Variants in MAML3 observed in about 807,000 individuals in gnomAD.
MAML3 encodes the protein mastermind like transcriptional coactivator 3, also known as mastermind-like protein 3.
Under a neutral mutation model 101.9 loss-of-function variants are expected in MAML3, and 27 were observed. That is an observed-to-expected ratio of 0.27 (90% CI 0.20 to 0.37). The LOEUF (loss-of-function observed/expected upper bound fraction) is 0.37, where lower values mean the gene tolerates loss of function less well. MAML3 is among the 10% of genes least tolerant of loss of function. The pLI, the probability that MAML3 is intolerant of heterozygous loss-of-function variation, is 1.00. For synonymous variants in MAML3, 501 were observed against 555.9 expected (o/e 0.90, Z 1.39); for missense variants, 1,316 against 1,444.9 (o/e 0.91, Z 1.45).
At chr4:140,055,757 G>A (rs1271891055) in intron 1 of MAML3, among the ~76,000 whole-genome samples, 2 of 152,034 alleles carry the variant, frequency 1.3e-5, no homozygotes, top group Non-Finnish European at 2.9e-5. Context: ...ACCATGGGCA[G>A]TCAGGCAGTG....
intron 2 of MAML3, among the ~76,000 whole-genome samples, chr4:139,826,822 G>C (rs1056264270): frequency 6.6e-6 from 1 of 151,958 alleles, no homozygotes; most frequent in Non-Finnish European, 1.5e-5. Flanking sequence ...AGACACATAC[G>C]GCACCATCAC....
chr4:139,742,803 G>T (rs1729209367), intron 2 of MAML3, among the ~76,000 whole-genome samples: 1 of 152,182 alleles, frequency 6.6e-6, no homozygotes. Flanking sequence ...GGAAGTTGAT[G>T]GGAAACTTTT....
At chr4:140,013,213 C>T (rs990076892) in intron 1 of MAML3, among the ~76,000 whole-genome samples, 9 of 152,168 alleles carry the variant, frequency 5.9e-5, no homozygotes, top group African/African-American at 2.2e-4. Flanking sequence ...ATGATTAGCT[C>T]ATCAGGGGCA....
chr4:139,883,214 A>G (rs1399953503), intron 2 of MAML3, among the ~76,000 whole-genome samples: 1 of 152,186 alleles, frequency 6.6e-6, no homozygotes, highest in Non-Finnish European at 1.5e-5. Flanking sequence ...AGACGGAGGG[A>G]GGGAGAGAGG....
At chr4:139,737,354 A>G (rs1288592610) in intron 2 of MAML3, among the ~76,000 whole-genome samples, 1 of 68,664 alleles carries the variant, frequency 1.5e-5, no homozygotes, top group Admixed American at 1.4e-4. Flanking sequence ...AGGTTAAGGA[A>G]CTTGTCTGGT....
chr4:140,025,153 T>C (rs1336003377), intron 1 of MAML3, among the ~76,000 whole-genome samples: 1 of 152,204 alleles, frequency 6.6e-6, no homozygotes, highest in African/African-American at 2.4e-5. Flanking sequence ...ACAAACCTAC[T>C]TGGAAAAGGC....
intron 2 of MAML3, among the ~76,000 whole-genome samples, chr4:139,847,189 C>T: frequency 6.6e-6 from 1 of 152,094 alleles, no homozygotes; most frequent in Non-Finnish European, 1.5e-5. Context: ...CATTGTGTAT[C>T]TATATTGTGT....
chr4:139,951,620 C>T (rs759193244), intron 1 of MAML3, among the ~76,000 whole-genome samples: 3 of 152,154 alleles, frequency 2.0e-5, no homozygotes, highest in Non-Finnish European at 4.4e-5. Context: ...GCAGCTGGCT[C>T]CTACCAAGAG....
intron 2 of MAML3, among the ~76,000 whole-genome samples, chr4:139,805,969 A>AG (rs1336721743): frequency 6.6e-6 from 1 of 152,148 alleles, no homozygotes; most frequent in African/African-American, 2.4e-5. Flanking sequence ...GACAAGAATA[A>AG]GGGGGGATAT....
chr4:139,736,226 C>CA (rs772686858), intron 2 of MAML3, among the ~76,000 whole-genome samples: 3 of 152,192 alleles, frequency 2.0e-5, no homozygotes, highest in South Asian at 4.2e-4. Context: ...TTGTATATAT[C>CA]AAAAGATAGC....
chr4:140,111,260 T>C (rs1207981889), intron 1 of MAML3, among the ~76,000 whole-genome samples: 2 of 152,230 alleles, frequency 1.3e-5, no homozygotes, highest in African/African-American at 2.4e-5. Flanking sequence ...TTTATCTTTT[T>C]CTTGATCACC....
chr4:140,095,388 C>T (rs1451486233), intron 1 of MAML3, among the ~76,000 whole-genome samples: 1 of 152,094 alleles, frequency 6.6e-6, no homozygotes, highest in African/African-American at 2.4e-5. Flanking sequence ...AACCTGAATC[C>T]TTCATCTTTC....
At chr4:139,780,833 T>C (rs943972571) in intron 2 of MAML3, among the ~76,000 whole-genome samples, 7 of 152,090 alleles carry the variant, frequency 4.6e-5, no homozygotes, top group African/African-American at 7.2e-5. Context: ...TTTACAATGT[T>C]GGCCAGGCTG....
intron 1 of MAML3, among the ~76,000 whole-genome samples, chr4:140,098,417 T>C (rs1466587719): frequency 6.6e-6 from 1 of 152,218 alleles, no homozygotes; most frequent in Non-Finnish European, 1.5e-5. Context: ...GCACATGGCA[T>C]TCAAGCAATC....
At chr4:139,929,729 T>C (rs887290718) in intron 1 of MAML3, among the ~76,000 whole-genome samples, 3 of 152,258 alleles carry the variant, frequency 2.0e-5, no homozygotes, top group African/African-American at 7.2e-5. Context: ...AGTCTCTGTT[T>C]ATTATGTTCT....
At chr4:140,056,734 C>T (rs1260927122) in intron 1 of MAML3, among the ~76,000 whole-genome samples, 16 of 150,666 alleles carry the variant, frequency 1.1e-4, no homozygotes, top group African/African-American at 1.5e-4. Flanking sequence ...CGCTTGAACC[C>T]GGGAGACAGA....
chr4:139,895,444 C>T (rs918789173), intron 1 of MAML3, among the ~76,000 whole-genome samples: 4 of 152,090 alleles, frequency 2.6e-5, no homozygotes, highest in African/African-American at 9.7e-5. Context: ...GTTTCCTTAC[C>T]TGCAAAGTGG....
chr4:139,924,735 C>T (rs1733187983), intron 1 of MAML3, among the ~76,000 whole-genome samples: 1 of 152,182 alleles, frequency 6.6e-6, no homozygotes, highest in Non-Finnish European at 1.5e-5. Flanking sequence ...ACTTTGATAT[C>T]CTACTTGCAC....
intron 2 of MAML3, among the ~76,000 whole-genome samples, chr4:139,772,329 A>C (rs1276045937): frequency 2.0e-5 from 3 of 146,790 alleles, no homozygotes; most frequent in Non-Finnish European, 4.5e-5. Flanking sequence ...AGATATTTTT[A>C]AAGTTGTCTT....
Sources: gnomAD v4.1 joint callset for allele counts (sites outside exome capture counted in the v4.1 genomes callset) on GRCh38, gnomAD v4.1.1 for gene constraint, MANE v1.5 for transcripts, NCBI Gene and HGNC (gene_info 2026-07-23, HGNC 2026-07-21) for gene names.